Variants in BPNT2 observed in about 807,000 individuals in gnomAD.
BPNT2 encodes the protein Golgi-resident adenosine 3',5'-bisphosphate 3'-phosphatase.
In BPNT2, 11 loss-of-function variants were observed where a neutral mutation model predicts 29.3. The observed-to-expected ratio is 0.38, with a 90% CI of 0.24 to 0.62. The LOEUF (loss-of-function observed/expected upper bound fraction) is 0.62. Among genes scored for constraint, BPNT2 ranks in the 20% least tolerant of loss-of-function variants. The pLI is 0.62. For missense variants in BPNT2, 459 were observed against 473.4 expected (o/e 0.97, Z 0.28); for synonymous variants, 195 against 187.7 (o/e 1.04, Z -0.32).
In BPNT2 at chr8:56,962,039, G is replaced by A. The variant is rs1805846950; in HGVS notation, c.*1754C>T. The A allele has an allele frequency of 6.6e-6, 1 of 152,042 alleles. No individual in the cohort carries two copies. The highest frequency in any genetic ancestry group is 1.5e-5 in the Non-Finnish European group (1 of 68,008). The allele number at this position is 152,042 out of a possible 1,614,324, so 9.4% of individuals were successfully genotyped here. A position where few individuals can be genotyped will look rare whatever the true frequency, so the allele number is the denominator to read the frequency against. On this transcript the variant is annotated 3_prime_UTR_variant, in exon 5 of 5. Coordinates refer to ENST00000262644, the MANE Select transcript of BPNT2 (RefSeq NM_017813.5). Reference sequence around the variant, plus strand: ...TACCTTTGCCATCTCTCCTGAAAAAGAAAGTTTCTTCAGCTTATTGCAAAG... The same window carrying A: ...TACCTTTGCCATCTCTCCTGAAAAAAAAAGTTTCTTCAGCTTATTGCAAAG...
At chr8:56,969,402 C>G (rs1367205326) in intron 3 of BPNT2, among the ~76,000 whole-genome samples, 1 of 152,132 alleles carries the variant, frequency 6.6e-6, no homozygotes, top group African/African-American at 2.4e-5. Flanking sequence ...CTGAGAAACT[C>G]TTAGCAAATG....
chr8:56,993,448 GCCAGGCTCGCCGC>G lies in BPNT2; in HGVS notation c.125_137del (p.Gly42AlafsTer36). ...CGGCCGCGGGCCCCGCCGCGCCGCC[GCCAGGCTCGCCGC>G]CCAGGCCGAAGAGGCTGAAGCGGCC... On this transcript the variant is annotated frameshift_variant, in exon 1 of 5. Transcript: ENST00000262644. LOFTEE classifies it high-confidence loss of function. The G allele has an allele frequency of 4.1e-6, 6 of 1,473,938 alleles. No homozygotes were observed. The highest frequency in any genetic ancestry group is 5.4e-6 in the Non-Finnish European group (6 of 1,116,796). 91.3% of individuals were successfully genotyped at this position (1,473,938 alleles called of 1,614,324 possible). A position where few individuals can be genotyped will look rare whatever the true frequency, so the allele number is the denominator to read the frequency against.
At chr8:56,974,210 T>C (rs1806089431) in intron 3 of BPNT2, among the ~76,000 whole-genome samples, 1 of 152,174 alleles carries the variant, frequency 6.6e-6, no homozygotes, top group African/African-American at 2.4e-5. Flanking sequence ...AGATTTTTGG[T>C]CAAAATGAGG....
chr8:56,975,165 C>T (rs901545601), intron 3 of BPNT2, among the ~76,000 whole-genome samples: 13 of 151,950 alleles, frequency 8.6e-5, no homozygotes, highest in Middle Eastern at 3.2e-3. Context: ...AACTGAGAAC[C>T]GTGGTAAATG....
At chr8:56,972,576 CTAAAGA>C (rs1410038215) in intron 3 of BPNT2, among the ~76,000 whole-genome samples, 1 of 151,794 alleles carries the variant, frequency 6.6e-6, no homozygotes, top group African/African-American at 2.4e-5. Context: ...TGCTACATGC[CTAAAGA>C]CTGTAGTATG....
chr8:56,990,604 G>A (rs1158675837), intron 1 of BPNT2, among the ~76,000 whole-genome samples: 1 of 152,128 alleles, frequency 6.6e-6, no homozygotes, highest in Non-Finnish European at 1.5e-5. Flanking sequence ...TCCTCAACTT[G>A]GGCATCAATT....
At chr8:56,965,701 A>C (rs1274927016) in intron 4 of BPNT2, among the ~76,000 whole-genome samples, 1 of 152,228 alleles carries the variant, frequency 6.6e-6, no homozygotes, top group Non-Finnish European at 1.5e-5. Flanking sequence ...AATATACGAT[A>C]AGGTGGGTGC....
At chr8:56,992,858 C>T (rs1806440878) in intron 1 of BPNT2, among the ~76,000 whole-genome samples, 1 of 152,112 alleles carries the variant, frequency 6.6e-6, no homozygotes, top group Non-Finnish European at 1.5e-5. Flanking sequence ...GATAGAGAGT[C>T]TTGGTGGATT....
At chr8:56,991,673 T>C (rs2129207155) in intron 1 of BPNT2, among the ~76,000 whole-genome samples, 1 of 152,346 alleles carries the variant, frequency 6.6e-6, no homozygotes, top group East Asian at 1.9e-4. Flanking sequence ...TTAAAGTTGC[T>C]GTTAAGGATC....
At chr8:56,981,589 T>TA (rs1202123280) in intron 1 of BPNT2, among the ~76,000 whole-genome samples, 1 of 151,886 alleles carries the variant, frequency 6.6e-6, no homozygotes, top group African/African-American at 2.4e-5. Flanking sequence ...TAAATAATAA[T>TA]AAAAAAATGT....
At chr8:56,981,653 A>G (rs1177452574) in intron 1 of BPNT2, among the ~76,000 whole-genome samples, 4 of 152,258 alleles carry the variant, frequency 2.6e-5, no homozygotes, top group African/African-American at 4.8e-5. Context: ...ACTAAATCTA[A>G]GAATTGAGTG....
intron 3 of BPNT2, among the ~76,000 whole-genome samples, chr8:56,971,400 C>T (rs1357524852): frequency 6.6e-6 from 1 of 151,878 alleles, no homozygotes; most frequent in Non-Finnish European, 1.5e-5. Context: ...ACACTTGACC[C>T]TTGAACAACA....
chr8:56,974,940 CCTAT>C (rs1806108844), intron 3 of BPNT2, among the ~76,000 whole-genome samples: 1 of 152,130 alleles, frequency 6.6e-6, no homozygotes, highest in South Asian at 2.1e-4. Context: ...AATCTATTTG[CCTAT>C]CTAATACCAA....
Position 56,963,745 on chromosome 8 carries a change from G to A in BPNT2, c.*48C>T. The A allele has an allele frequency of 6.2e-7, 1 of 1,606,118 alleles. No individual in the cohort carries two copies. On this transcript the variant is annotated 3_prime_UTR_variant, in exon 5 of 5. Coordinates refer to ENST00000262644, the MANE Select transcript of BPNT2 (RefSeq NM_017813.5). Reference sequence around the variant, plus strand: ...ATCCTTTGAAGCTTCCAGCATCTCAGGCTAACCATTTCAGCTGTGAAGAAC... The same window carrying A: ...ATCCTTTGAAGCTTCCAGCATCTCAAGCTAACCATTTCAGCTGTGAAGAAC...
In BPNT2 at chr8:56,966,965, GA is replaced by G. The variant is rs1196691907; in HGVS notation, c.647-614del. 16 of 340,080 alleles carry G rather than the reference GA, an allele frequency of 4.7e-5. No homozygotes were observed. In the Admixed American group the frequency reaches 6.1e-4, roughly 13 times the overall value. 21.1% of individuals were successfully genotyped at this position (340,080 alleles called of 1,614,324 possible). ...TTAGGTTTACATATCAGCCTTATCA[GA>G]GAGTATTAAAGAAAAAGCCTTAGAT... On this transcript the variant is annotated intron_variant, in intron 3 of 4. Coordinates refer to ENST00000262644, the MANE Select transcript of BPNT2 (RefSeq NM_017813.5).
intron 3 of BPNT2, among the ~76,000 whole-genome samples, chr8:56,977,038 C>T (rs544745827): frequency 2.0e-5 from 3 of 152,234 alleles, no homozygotes; most frequent in African/African-American, 7.2e-5. Flanking sequence ...TATAACATTA[C>T]CTTCAAGCTA....
In BPNT2 at chr8:56,963,472, G is replaced by T; in HGVS notation, c.*321C>A. On this transcript the variant is annotated 3_prime_UTR_variant, in exon 5 of 5. Transcript: ENST00000262644. ...GAAAGTACTAACAGTGAAGATTCATGATGTTGTGTGAAAATGGTGACTCAT... is the reference window on the plus strand; with the variant it reads ...GAAAGTACTAACAGTGAAGATTCATTATGTTGTGTGAAAATGGTGACTCAT... 3.7e-6 allele frequency: 1 copy of T among 271,740 alleles called. No individual in the cohort carries two copies. Among genetic ancestry groups the T allele is most frequent in the Non-Finnish European group, 7.0e-6 (1 of 142,698 alleles). The allele number at this position is 271,740 out of a possible 1,614,324, so 16.8% of individuals were successfully genotyped here. A position where few individuals can be genotyped will look rare whatever the true frequency, so the allele number is the denominator to read the frequency against.
Position 56,959,400 on chromosome 8 carries a change from T to A in BPNT2, c.*4393A>T, listed in dbSNP as rs1476218198. 1 of 152,214 alleles carries A rather than the reference T, an allele frequency of 6.6e-6. No homozygotes were observed. Among genetic ancestry groups the A allele is most frequent in the Non-Finnish European group, 1.5e-5 (1 of 68,040 alleles). The allele number at this position is 152,214 out of a possible 1,614,324, so 9.4% of individuals were successfully genotyped here. On this transcript the variant is annotated 3_prime_UTR_variant, in exon 5 of 5. Transcript: ENST00000262644. The stretch of plus-strand genomic sequence containing the variant: ...ACCTGGTAAAACCAAAACCTCCTTT[T>A]GAAGTATAAAGTTCCATTCTTCTTG...
chr8:56,990,890 C>G (rs1008747123), intron 1 of BPNT2, among the ~76,000 whole-genome samples: 15 of 152,160 alleles, frequency 9.9e-5, no homozygotes, highest in Non-Finnish European at 1.6e-4. Flanking sequence ...GAAAACAGAT[C>G]TTTCTACATT....
Sources: gnomAD v4.1 joint callset for allele counts (sites outside exome capture counted in the v4.1 genomes callset) on GRCh38, gnomAD v4.1.1 for gene constraint, MANE v1.5 for transcripts, NCBI Gene and HGNC (gene_info 2026-07-23, HGNC 2026-07-21) for gene names.